Variants in PLXNC1 observed in about 807,000 individuals in gnomAD.
PLXNC1 encodes plexin C1.
PLXNC1 carries 75 observed loss-of-function variants against 178.2 expected under a neutral mutation model. The observed-to-expected ratio is 0.42, with a 90% CI of 0.35 to 0.51. PLXNC1 has a LOEUF of 0.51. Among genes scored for constraint, PLXNC1 ranks in the 20% least tolerant of loss-of-function variants. The probability of loss-of-function intolerance (pLI) is 0.02; values close to 1 mark genes in which losing one functional copy is unlikely to be tolerated. For synonymous variants in PLXNC1, 790 were observed against 779.9 expected (o/e 1.01, Z -0.22); for missense variants, 1,503 against 1,984.4 (o/e 0.76, Z 4.61).
intron 30 of PLXNC1, among the ~76,000 whole-genome samples, chr12:94,304,538 G>GAC (rs1252166930): frequency 3.3e-5 from 5 of 152,022 alleles, no homozygotes; most frequent in Admixed American, 1.3e-4. Flanking sequence ...AATTCAAACA[G>GAC]ACACATTCAT....
intron 23 of PLXNC1, among the ~76,000 whole-genome samples, chr12:94,289,819 GAAAGTTAGAAATGCACTCACACAT>G (rs1967097363): frequency 6.6e-6 from 1 of 152,188 alleles, no homozygotes; most frequent in Non-Finnish European, 1.5e-5. Flanking sequence ...GAGCAGCTGT[GAAAGTTAGAAATGCACTCACACAT>G]ACGCGCTCAC....
intron 5 of PLXNC1, among the ~76,000 whole-genome samples, chr12:94,212,082 G>A (rs950954978): frequency 6.6e-6 from 1 of 151,776 alleles, no homozygotes; most frequent in African/African-American, 2.4e-5. Flanking sequence ...AGACCACCCC[G>A]GCTAAAACGG....
chr12:94,202,554 G>T (rs780583991), intron 4 of PLXNC1, among the ~76,000 whole-genome samples: 2 of 152,222 alleles, frequency 1.3e-5, no homozygotes, highest in African/African-American at 4.8e-5. Flanking sequence ...TTTGCCTGGA[G>T]TCTGAGCAAA....
chr12:94,276,903 G>GGCCAGACGGAGATCACTCCTCC (rs1966005919), intron 21 of PLXNC1: 1 of 152,162 alleles, frequency 6.6e-6, no homozygotes, highest in South Asian at 2.1e-4. Flanking sequence ...AGGGAAACTC[G>GGCCAGACGGAGATCACTCCTCC]TACAGGCCAG....
Position 94,149,229 on chromosome 12 carries a change from C to A in PLXNC1, c.258C>A (p.Asn86Lys). The A allele has an allele frequency of 6.4e-7, 1 of 1,574,714 alleles. No individual in the cohort carries two copies. Among genetic ancestry groups the A allele is most frequent in the Middle Eastern group, 1.7e-4 (1 of 5,956 alleles). Residue 86 changes from asparagine to lysine, a missense_variant, in exon 1 of 31, where the codon AAC (asparagine) becomes AAA (lysine). Physicochemically the swap from Asn to Lys is moderately conservative, Grantham distance 94 (BLOSUM62 0). Coordinates refer to ENST00000258526, the MANE Select transcript of PLXNC1 (RefSeq NM_005761.3). ...GCCTGTACCGGGACCAAGCGGGCAA[C>A]TGCACAGAGCCGGTCTCGCTGGCGC... ...LSRLYRDQAG[N>K]CTEPVSLAPP...
Position 94,305,751 on chromosome 12 carries a change from T to C in PLXNC1, c.*466T>C, listed in dbSNP as rs1968939013. On this transcript the variant is annotated 3_prime_UTR_variant, in exon 31 of 31. Coordinates refer to ENST00000258526, the MANE Select transcript of PLXNC1 (RefSeq NM_005761.3). ...GGGGGTGTTAGGGCAACCTCGAGGA[T>C]TTGCAGCATTGAAACTTTCCCCAGT... 6.5e-6 allele frequency: 1 copy of C among 153,068 alleles called. No individual in the cohort carries two copies. The highest frequency in any genetic ancestry group is 1.5e-5 in the Non-Finnish European group (1 of 68,686). The allele number at this position is 153,068 out of a possible 1,614,324, so 9.5% of individuals were successfully genotyped here. A position where few individuals can be genotyped will look rare whatever the true frequency, so the allele number is the denominator to read the frequency against.
chr12:94,225,014 C>T (rs2136026210), intron 7 of PLXNC1, among the ~76,000 whole-genome samples: 2 of 152,280 alleles, frequency 1.3e-5, no homozygotes, highest in South Asian at 4.1e-4. Context: ...TTGAGAAGGA[C>T]AAGGTGAAGT....
chr12:94,154,316 C>T (rs1230276898), intron 1 of PLXNC1, among the ~76,000 whole-genome samples: 13 of 152,172 alleles, frequency 8.5e-5, no homozygotes, highest in Admixed American at 3.9e-4. Context: ...TCCAGCTCTA[C>T]GACCTGAGCT....
intron 28 of PLXNC1, among the ~76,000 whole-genome samples, chr12:94,302,209 G>A (rs1192398342): frequency 6.6e-6 from 1 of 152,168 alleles, no homozygotes; most frequent in African/African-American, 2.4e-5. Context: ...AGCCCTCTTT[G>A]CTGGCCTCGT....
chr12:94,248,139 C>A lies in PLXNC1; in HGVS notation c.2592+33C>A, dbSNP rs200493671. ...TCTTTTCTTTCTGGGTGGGATGTCA[C>A]CCCGACCCCTTGACTGGAAAGGTGT... is the stretch of plus-strand genomic sequence containing the variant. On this transcript the variant is annotated intron_variant, in intron 13 of 30. Transcript: ENST00000258526. The A allele has an allele frequency of 8.3e-5, 133 of 1,604,818 alleles. 1 individual carries two copies. The African/African-American group carries it at 1.5e-3, about 18-fold the overall frequency.
At chr12:94,257,768 A>G (rs571775790) in intron 17 of PLXNC1, among the ~76,000 whole-genome samples, 11 of 152,078 alleles carry the variant, frequency 7.2e-5, no homozygotes, top group Admixed American at 2.0e-4. Flanking sequence ...TTAGCCAGGC[A>G]TGGTGGCGGG....
chr12:94,261,266 A>C (rs1184793080), intron 20 of PLXNC1, among the ~76,000 whole-genome samples: 1 of 152,250 alleles, frequency 6.6e-6, no homozygotes, highest in Non-Finnish European at 1.5e-5. Flanking sequence ...GTCATTCCGC[A>C]TTAAAGCAGC....
At chr12:94,287,236 G>A (rs1966855805) in intron 23 of PLXNC1, among the ~76,000 whole-genome samples, 1 of 152,240 alleles carries the variant, frequency 6.6e-6, no homozygotes, top group Non-Finnish European at 1.5e-5. Context: ...AGCCAGAGGA[G>A]TCTTTCTCCC....
rs1333843612 is a variant in PLXNC1 at position 94,297,234 on chromosome 12, T to C, written c.3966+14T>C. The C allele has an allele frequency of 6.2e-7, 1 of 1,614,048 alleles. No individual in the cohort carries two copies. Among genetic ancestry groups the C allele is most frequent in the Non-Finnish European group, 8.5e-7 (1 of 1,179,876 alleles). On this transcript the variant is annotated intron_variant, in intron 25 of 30. Transcript: ENST00000258526. ...CACTGCCATTTGGTGAGTTCAGGCT[T>C]TCTTGTGCTCACCACTGAACTGCAT...
intron 21 of PLXNC1, among the ~76,000 whole-genome samples, chr12:94,266,997 C>T (rs577403941): frequency 8.7e-4 from 133 of 152,336 alleles, no homozygotes; most frequent in Admixed American, 1.4e-3. Flanking sequence ...GATGTGTGTT[C>T]AGCCTGGACA....
rs58233336 is a variant in PLXNC1, at chr12:94,294,911, G to A, written c.3934+371G>A. ...GTACAGACAATCATCACAGAGCCCC[G>A]AAGCAAGCGCTGAACAAACAAGATA... On this transcript the variant is annotated intron_variant, in intron 24 of 30. Coordinates refer to ENST00000258526, the MANE Select transcript of PLXNC1 (RefSeq NM_005761.3). 9.4e-3 allele frequency among the ~76,000 whole-genome samples: 1,437 copies of A among 152,170 alleles called. 21 individuals are homozygous for A. The highest frequency in any genetic ancestry group is 0.031 in the African/African-American group (1,270 of 41,456).
At chr12:94,157,864 T>C (rs933602045) in intron 1 of PLXNC1, among the ~76,000 whole-genome samples, 44 of 152,350 alleles carry the variant, frequency 2.9e-4, no homozygotes, top group African/African-American at 1.1e-3. Flanking sequence ...AATACATAAA[T>C]GAGCAGGTAG....
At chr12:94,191,100 C>T (rs149876484) in intron 4 of PLXNC1, among the ~76,000 whole-genome samples, 3 of 152,304 alleles carry the variant, frequency 2.0e-5, no homozygotes, top group African/African-American at 4.8e-5. Context: ...AGTGATTGGT[C>T]GACTCTGCCA....
intron 2 of PLXNC1, among the ~76,000 whole-genome samples, chr12:94,180,916 TG>T (rs1249708827): frequency 6.6e-6 from 1 of 152,132 alleles, no homozygotes; most frequent in Non-Finnish European, 1.5e-5. Context: ...CGGCTTTTTT[TG>T]TTTGTTCATT....
Sources: gnomAD v4.1 joint callset for allele counts (sites outside exome capture counted in the v4.1 genomes callset) on GRCh38, gnomAD v4.1.1 for gene constraint, MANE v1.5 for transcripts, NCBI Gene and HGNC (gene_info 2026-07-23, HGNC 2026-07-21) for gene names.